Variants in RAPGEF6 observed in about 807,000 individuals in gnomAD.
RAPGEF6 encodes PDZ domain containing guanine nucleotide exchange factor (GEF) 2.
Under a neutral mutation model 171.4 loss-of-function variants are expected in RAPGEF6, and 56 were observed. The observed-to-expected ratio is 0.33, with a 90% CI of 0.26 to 0.41. The LOEUF is 0.41. Among genes scored for constraint, RAPGEF6 ranks in the 10% least tolerant of loss-of-function variants. RAPGEF6 has a pLI of 1.00. For missense variants in RAPGEF6, 1,674 were observed against 1,921.4 expected (o/e 0.87, Z 2.41); for synonymous variants, 692 against 650.1 (o/e 1.06, Z -0.98).
intron 3 of RAPGEF6, among the ~76,000 whole-genome samples, chr5:131,595,979 CCT>C (rs1763874814): frequency 6.6e-6 from 1 of 151,928 alleles, no homozygotes; most frequent in Non-Finnish European, 1.5e-5. Context: ...ATGGCGAAAC[CCT>C]GTCTCTACTA....
intron 5 of RAPGEF6, among the ~76,000 whole-genome samples, chr5:131,557,416 T>G (rs1010565917): frequency 6.6e-6 from 1 of 152,240 alleles, no homozygotes; most frequent in Non-Finnish European, 1.5e-5. Context: ...TTTTTATGTA[T>G]GAACGAGTAT....
chr5:131,477,221 G>A (rs1755161321), intron 16 of RAPGEF6, among the ~76,000 whole-genome samples: 1 of 152,164 alleles, frequency 6.6e-6, no homozygotes, highest in Non-Finnish European at 1.5e-5. Flanking sequence ...AGGTAAGACA[G>A]CTCTCCCAAC....
In RAPGEF6 at chr5:131,425,801, T is replaced by C. The variant is rs1448822406; in HGVS notation, c.*1465A>G. The C allele has an allele frequency of 6.6e-6, 1 of 151,234 alleles. No homozygotes were observed. Among genetic ancestry groups the C allele is most frequent in the Non-Finnish European group, 1.5e-5 (1 of 67,924 alleles). 9.4% of individuals were successfully genotyped at this position (151,234 alleles called of 1,614,324 possible). ...AGGAGGCCACAAACCAACTAAATCC[T>C]ATGTGGACACATACGGACAGCCATT... On this transcript the variant is annotated 3_prime_UTR_variant, in exon 28 of 28. Transcript: ENST00000509018.
rs1252925450 is a variant in RAPGEF6 at position 131,424,865 on chromosome 5, G to A, written c.*2401C>T. On this transcript the variant is annotated 3_prime_UTR_variant, in exon 28 of 28. Transcript: ENST00000509018. Reference sequence around the variant, plus strand: ...TTGAGAGTTGTGGCAGGAAGAGAGGGCACTAGTCTCTTCATTAAGATTATA... The same window carrying A: ...TTGAGAGTTGTGGCAGGAAGAGAGGACACTAGTCTCTTCATTAAGATTATA... The A allele has an allele frequency of 6.6e-6, 1 of 152,308 alleles. No homozygotes were observed. The highest frequency in any genetic ancestry group is 1.5e-5 in the Non-Finnish European group (1 of 68,038). 9.4% of individuals were successfully genotyped at this position (152,308 alleles called of 1,614,324 possible). A position where few individuals can be genotyped will look rare whatever the true frequency, so the allele number is the denominator to read the frequency against.
At chr5:131,507,939 T>G (rs1037445435) in intron 9 of RAPGEF6, 132 bp downstream of exon 9, 5 of 848,392 alleles carry the variant, frequency 5.9e-6, no homozygotes, top group Non-Finnish European at 6.9e-6. Flanking sequence ...TAACTCAAAC[T>G]TGGCATTTAT....
intron 4 of RAPGEF6, among the ~76,000 whole-genome samples, chr5:131,580,753 T>C (rs187538882): frequency 1.3e-5 from 2 of 152,198 alleles, no homozygotes; most frequent in South Asian, 4.1e-4. Context: ...CCTCTTGCAG[T>C]ACACCCTCTC....
chr5:131,565,736 T>A (rs1368193098), intron 4 of RAPGEF6, among the ~76,000 whole-genome samples: 1 of 152,124 alleles, frequency 6.6e-6, no homozygotes, highest in Non-Finnish European at 1.5e-5. Flanking sequence ...AAGAATTCAA[T>A]GGAGAAAGAT....
intron 4 of RAPGEF6, among the ~76,000 whole-genome samples, chr5:131,563,785 G>GT (rs1276586232): frequency 6.6e-6 from 1 of 152,116 alleles, no homozygotes; most frequent in African/African-American, 2.4e-5. Context: ...GATTACAGGC[G>GT]TGAGCCACTG....
At chr5:131,506,497 A>T (rs1757379151) in intron 9 of RAPGEF6, among the ~76,000 whole-genome samples, 1 of 152,198 alleles carries the variant, frequency 6.6e-6, no homozygotes, top group Non-Finnish European at 1.5e-5. Flanking sequence ...TTTAATATCA[A>T]ACCCTCTTAT....
rs547630331 is a variant in RAPGEF6 at position 131,525,446 on chromosome 5, T to C, written c.496-3925A>G. ...AAATCCATGAAGTCACATTGGAAAT[T>C]AGAAAATATTAAAACAGAAAATTAA... On this transcript the variant is annotated intron_variant, in intron 6 of 27. Coordinates refer to ENST00000509018, the MANE Select transcript of RAPGEF6 (RefSeq NM_016340.6). Among the ~76,000 whole-genome samples, 72 of 152,210 alleles carry C rather than the reference T, an allele frequency of 4.7e-4. 1 individual carries two copies. The highest frequency in any genetic ancestry group is 1.5e-3 in the African/African-American group (63 of 41,544).
chr5:131,524,919 G>A (rs1367799195), intron 6 of RAPGEF6, among the ~76,000 whole-genome samples: 2 of 152,124 alleles, frequency 1.3e-5, no homozygotes, highest in Non-Finnish European at 2.9e-5. Flanking sequence ...CCTGGCCAAG[G>A]TGATGGATAT....
rs139931534 is a variant in RAPGEF6, at chr5:131,561,099, T to C, written c.351+879A>G. On this transcript the variant is annotated intron_variant, in intron 5 of 27. Coordinates refer to ENST00000509018, the MANE Select transcript of RAPGEF6 (RefSeq NM_016340.6). ...ACAACGTAAAAAGCAAGCTGTGTTC[T>C]TGATTCTTCTAATACTTAAAAAAAA... Among the ~76,000 whole-genome samples the C allele has an allele frequency of 3.2e-3, 486 of 151,572 alleles. 2 individuals are homozygous for C. The highest frequency in any genetic ancestry group is 0.011 in the African/African-American group (462 of 40,868).
At chr5:131,601,330 A>G (rs1355615232) in intron 3 of RAPGEF6, among the ~76,000 whole-genome samples, 1 of 151,122 alleles carries the variant, frequency 6.6e-6, no homozygotes, top group Non-Finnish European at 1.5e-5. Flanking sequence ...GGTTGCAGTG[A>G]GCCAAGGTCA....
At position 131,627,793 on chromosome 5, in the gene RAPGEF6, T is replaced by C. The variant is rs570742692; in HGVS notation, c.69+7169A>G. 1.1e-4 allele frequency among the ~76,000 whole-genome samples: 16 copies of C among 152,348 alleles called. No individual in the cohort carries two copies. The South Asian group carries it at 1.7e-3, about 16-fold the overall frequency. On this transcript the variant is annotated intron_variant, in intron 1 of 27. Transcript: ENST00000509018. Reference sequence around the variant, plus strand: ...CAAGCAAGTCCAACAGCACCATTTTTTTCAACAGCACATGCTCACTTCATG... The same window carrying C: ...CAAGCAAGTCCAACAGCACCATTTTCTTCAACAGCACATGCTCACTTCATG...
At chr5:131,563,371 A>G (rs1487000108) in intron 4 of RAPGEF6, among the ~76,000 whole-genome samples, 1 of 152,242 alleles carries the variant, frequency 6.6e-6, no homozygotes, top group Non-Finnish European at 1.5e-5. Context: ...ACATAGCTAT[A>G]CTTTTATGGG....
chr5:131,504,579 A>T, intron 11 of RAPGEF6, 47 bp downstream of exon 11: 1 of 1,505,582 alleles, frequency 6.6e-7, no homozygotes, highest in Non-Finnish European at 8.9e-7. Context: ...GAAAGCTTTG[A>T]TGATAGAATA....
chr5:131,501,480 T>C (rs1757024606), intron 11 of RAPGEF6, among the ~76,000 whole-genome samples: 2 of 152,034 alleles, frequency 1.3e-5, no homozygotes, highest in African/African-American at 4.8e-5. Context: ...CCCATCAGCA[T>C]GCAATCAGAA....
chr5:131,472,259 G>A, intron 17 of RAPGEF6: 1 of 342,750 alleles, frequency 2.9e-6, no homozygotes, highest in South Asian at 2.3e-5. Context: ...TTTTAGTAGA[G>A]ATGGTGTTTC....
chr5:131,497,116 T>C (rs1756689639), intron 12 of RAPGEF6, among the ~76,000 whole-genome samples: 1 of 152,222 alleles, frequency 6.6e-6, no homozygotes, highest in Admixed American at 6.5e-5. Flanking sequence ...TGCATATCTC[T>C]ATGATTAATG....
Sources: allele counts gnomAD v4.1 joint callset (sites outside exome capture counted in the v4.1 genomes callset), GRCh38; gene constraint gnomAD v4.1.1; transcripts MANE v1.5; gene names NCBI Gene and HGNC (gene_info 2026-07-23, HGNC 2026-07-21).